Variants in STK32B observed in about 807,000 individuals in gnomAD.
The protein encoded by STK32B is serine/threonine-protein kinase 32B.
A neutral mutation model predicts 52.6 loss-of-function variants in STK32B; 43 were observed. The ratio of observed to expected loss-of-function variants is 0.82; its 90% CI spans 0.64 to 1.05. The LOEUF (loss-of-function observed/expected upper bound fraction) is 1.05, where lower values mean the gene tolerates loss of function less well. Among genes scored for constraint, STK32B ranks in the 50% least tolerant of loss-of-function variants. The probability of loss-of-function intolerance (pLI) is 0.00; values close to 1 mark genes in which losing one functional copy is unlikely to be tolerated. For synonymous variants in STK32B, 238 were observed against 204.3 expected, an observed-to-expected ratio of 1.17 and a Z score of -1.41; for missense variants, 621 against 534.6, an observed-to-expected ratio of 1.16 and a Z score of -1.59.
chr4:5,364,614 C>A (rs1293995319), intron 4 of STK32B, among the ~76,000 whole-genome samples: 6 of 152,126 alleles, frequency 3.9e-5, no homozygotes, highest in Non-Finnish European at 8.8e-5. Context: ...CGTGACTATC[C>A]CTGAATGAGT....
chr4:5,444,019 A>T (rs910412223), intron 6 of STK32B, among the ~76,000 whole-genome samples: 2 of 152,164 alleles, frequency 1.3e-5, no homozygotes, highest in African/African-American at 4.8e-5. Context: ...TCAGACAGGG[A>T]CATTTAAGTC....
chr4:5,281,290 A>G (rs751700810), intron 3 of STK32B, among the ~76,000 whole-genome samples: 1 of 152,196 alleles, frequency 6.6e-6, no homozygotes, highest in Non-Finnish European at 1.5e-5. Flanking sequence ...CATATCAGTC[A>G]CTATGGCATA....
intron 3 of STK32B, among the ~76,000 whole-genome samples, chr4:5,209,725 A>G (rs1025199904): frequency 2.6e-5 from 4 of 152,210 alleles, no homozygotes; most frequent in Admixed American, 6.5e-5. Flanking sequence ...TAGATCCCTC[A>G]TGAACATTAT....
chr4:5,116,737 G>C (rs1056755795), intron 1 of STK32B, among the ~76,000 whole-genome samples: 2 of 152,114 alleles, frequency 1.3e-5, no homozygotes, highest in African/African-American at 2.4e-5. Context: ...CACTTTGGAT[G>C]GTATGGACAT....
intron 4 of STK32B, among the ~76,000 whole-genome samples, chr4:5,332,387 A>G (rs1732321064): frequency 1.3e-5 from 2 of 152,304 alleles, no homozygotes; most frequent in South Asian, 4.1e-4. Context: ...GAATTCCCCA[A>G]AAGCTCAGGA....
intron 3 of STK32B, among the ~76,000 whole-genome samples, chr4:5,294,327 G>A (rs909270720): frequency 6.6e-6 from 1 of 151,440 alleles, no homozygotes; most frequent in African/African-American, 2.4e-5. Context: ...ATGGTAGCGT[G>A]ATGGGAATAG....
At chr4:5,491,964 C>A (rs1719773208) in intron 11 of STK32B, among the ~76,000 whole-genome samples, 1 of 152,108 alleles carries the variant, frequency 6.6e-6, no homozygotes, top group Non-Finnish European at 1.5e-5. Context: ...CAGTACCATG[C>A]TGTTTTGGTT....
intron 1 of STK32B, among the ~76,000 whole-genome samples, chr4:5,115,361 G>A (rs776340527): frequency 1.3e-5 from 2 of 152,148 alleles, no homozygotes; most frequent in East Asian, 1.9e-4. Context: ...AGAGTTTGTG[G>A]GGTAGACACA....
At chr4:5,204,483 G>GTTTTGTTTTC (rs1191246079) in intron 3 of STK32B, among the ~76,000 whole-genome samples, 3 of 151,460 alleles carry the variant, frequency 2.0e-5, no homozygotes, top group African/African-American at 7.3e-5. Flanking sequence ...GTTTTGTTTT[G>GTTTTGTTTTC]TTTTGAGACA....
At chr4:5,428,605 C>CA (rs1560402896) in intron 6 of STK32B, among the ~76,000 whole-genome samples, 1 of 152,054 alleles carries the variant, frequency 6.6e-6, no homozygotes. Flanking sequence ...TGCAAACTTG[C>CA]AAAAATATGT....
chr4:5,194,420 G>A (rs1721482486), intron 3 of STK32B, among the ~76,000 whole-genome samples: 1 of 152,166 alleles, frequency 6.6e-6, no homozygotes, highest in Non-Finnish European at 1.5e-5. Context: ...ATTCTCAAGG[G>A]TAGGGACCTT....
intron 11 of STK32B, among the ~76,000 whole-genome samples, chr4:5,484,223 C>G (rs755753558): frequency 6.6e-6 from 1 of 152,130 alleles, no homozygotes; most frequent in African/African-American, 2.4e-5. Context: ...GTTGGTGTCT[C>G]AGTCTCTTTG....
At chr4:5,397,095 T>A (rs115758867) in intron 4 of STK32B, among the ~76,000 whole-genome samples, 1,730 of 152,362 alleles carry the variant, frequency 0.011, 34 homozygotes, top group African/African-American at 0.039. Context: ...ATTGCATTAC[T>A]ACAAATTACC....
intron 6 of STK32B, among the ~76,000 whole-genome samples, chr4:5,444,988 T>C (rs1196071112): frequency 1.3e-5 from 2 of 152,202 alleles, no homozygotes; most frequent in Non-Finnish European, 2.9e-5. Context: ...TAGTTTGTGC[T>C]GAACGAAATG....
rs201155780 is a variant in STK32B at position 5,443,956 on chromosome 4, G to C, written c.563-2717G>C. 3.3e-5 allele frequency among the ~76,000 whole-genome samples: 5 copies of C among 152,376 alleles called. No homozygotes were observed. In the East Asian group the frequency reaches 9.7e-4, roughly 29 times the overall value. ...ACCCACTTGAGGAGGCAGTCTGCCA[G>C]TTCTCAGATCTCCAGCTGCGTGCTG... On this transcript the variant is annotated intron_variant, in intron 6 of 11. Coordinates refer to ENST00000282908, the MANE Select transcript of STK32B (RefSeq NM_018401.3).
chr4:5,343,643 A>G (rs1733251015), intron 4 of STK32B, among the ~76,000 whole-genome samples: 1 of 152,248 alleles, frequency 6.6e-6, no homozygotes, highest in African/African-American at 2.4e-5. Flanking sequence ...CCTAGGCAAT[A>G]CCATTCAGGA....
intron 2 of STK32B, among the ~76,000 whole-genome samples, chr4:5,154,138 G>A (rs535042598): frequency 7.3e-4 from 111 of 151,674 alleles, no homozygotes; most frequent in Non-Finnish European, 1.3e-3. Flanking sequence ...GAAAGAATAA[G>A]CATGAATAAT....
intron 11 of STK32B, among the ~76,000 whole-genome samples, chr4:5,496,776 T>C (rs114696320): frequency 6.6e-6 from 1 of 151,746 alleles, no homozygotes. Context: ...GAAGAGAATG[T>C]CTTTAACATG....
chr4:5,403,961 C>T (rs1737484041), intron 5 of STK32B, among the ~76,000 whole-genome samples: 1 of 151,592 alleles, frequency 6.6e-6, no homozygotes, highest in African/African-American at 2.4e-5. Flanking sequence ...CATAGTAATG[C>T]ACTTTAAAGC....
Sources: gnomAD v4.1 joint callset for allele counts (sites outside exome capture counted in the v4.1 genomes callset) on GRCh38, gnomAD v4.1.1 for gene constraint, MANE v1.5 for transcripts, NCBI Gene and HGNC (gene_info 2026-07-23, HGNC 2026-07-21) for gene names.